The following ATP2A2 variants were observed in gnomAD, a reference collection of about 807,000 sequenced individuals.
ATP2A2 encodes the protein ATPase sarcoplasmic/endoplasmic reticulum Ca2+ transporting 2, also known as sarcoplasmic/endoplasmic reticulum calcium ATPase 2.
ATP2A2 carries 14 observed loss-of-function variants against 109.3 expected under a neutral mutation model. The ratio of observed to expected loss-of-function variants is 0.13; its 90% CI spans 0.08 to 0.20. The LOEUF is 0.20. Among genes scored for constraint, ATP2A2 ranks in the 10% least tolerant of loss-of-function variants. The pLI, the probability that ATP2A2 is intolerant of heterozygous loss-of-function variation, is 1.00. For synonymous variants in ATP2A2, 506 were observed against 490.9 expected, an observed-to-expected ratio of 1.03 and a Z score of -0.41; for missense variants, 657 against 1,321.6, an observed-to-expected ratio of 0.50 and a Z score of 7.80.
At chr12:110,282,365 C>CTT (rs1343434073) in intron 1 of ATP2A2, among the ~76,000 whole-genome samples, 2 of 152,180 alleles carry the variant, frequency 1.3e-5, no homozygotes, top group Non-Finnish European at 2.9e-5. Flanking sequence ...TGATTTCACG[C>CTT]TTAGGGCTAG....
At chr12:110,344,747 G>A in intron 16 of ATP2A2, 139 bp from the exon 17 acceptor site, 1 of 802,816 alleles carries the variant, frequency 1.2e-6, no homozygotes, top group Non-Finnish European at 2.2e-6. Context: ...TGAGCAGGTG[G>A]TGGTAGCACC....
intron 14 of ATP2A2, among the ~76,000 whole-genome samples, chr12:110,341,830 T>G (rs1879386100): frequency 6.6e-6 from 1 of 152,234 alleles, no homozygotes; most frequent in African/African-American, 2.4e-5. Flanking sequence ...ACTGCGCCAC[T>G]GCACTACAGC....
chr12:110,323,191 A>T, intron 6 of ATP2A2, 119 bp downstream of exon 6: 1 of 836,574 alleles, frequency 1.2e-6, no homozygotes. Flanking sequence ...TCTCTAAGAT[A>T]CTTATTTCTT....
chr12:110,297,991 TAGAG>T (rs113018499), intron 5 of ATP2A2, among the ~76,000 whole-genome samples: 3 of 152,204 alleles, frequency 2.0e-5, no homozygotes, highest in African/African-American at 7.2e-5. Context: ...CTATTTCACT[TAGAG>T]AGTCATTGCA....
chr12:110,288,853 A>T (rs1872954570), intron 3 of ATP2A2, among the ~76,000 whole-genome samples: 1 of 152,210 alleles, frequency 6.6e-6, no homozygotes, highest in South Asian at 2.1e-4. Context: ...GCAGTAAGGG[A>T]TCTTGCGTTT....
In ATP2A2 at chr12:110,347,329, G is replaced by C; in HGVS notation, c.*859G>C. The C allele has an allele frequency of 7.8e-7, 1 of 1,283,004 alleles. No individual in the cohort carries two copies. Among genetic ancestry groups the C allele is most frequent in the South Asian group, 1.2e-5 (1 of 80,316 alleles). 79.5% of individuals were successfully genotyped at this position (1,283,004 alleles called of 1,614,324 possible). On this transcript the variant is annotated 3_prime_UTR_variant, in exon 20 of 20. Coordinates refer to ENST00000539276, the MANE Select transcript of ATP2A2 (RefSeq NM_170665.4). ...TTTAAATGGACAGAGAAAAATAACTGTCTTGTCTTTAACTCGTAAGTGGCT... is the reference window on the plus strand; with the variant it reads ...TTTAAATGGACAGAGAAAAATAACTCTCTTGTCTTTAACTCGTAAGTGGCT...
rs751594837 is a variant in ATP2A2 at position 110,333,168 on chromosome 12, T to G, written c.1185-13T>G. On this transcript the variant is annotated splice_polypyrimidine_tract_variant and intron_variant, in intron 9 of 19. Transcript: ENST00000539276. ...ACCATACCCTGCTCTAAGAGTGTTT[T>G]CTCTTTGGGCAGGCATAAAGATGAT... The G allele has an allele frequency of 4.4e-6, 7 of 1,606,358 alleles. No homozygotes were observed. The highest frequency in any genetic ancestry group is 1.1e-5 in the South Asian group (1 of 90,944).
At chr12:110,290,741 A>G (rs557605641) in intron 3 of ATP2A2, among the ~76,000 whole-genome samples, 14 of 151,394 alleles carry the variant, frequency 9.2e-5, no homozygotes, top group African/African-American at 3.4e-4. Flanking sequence ...ACTAGCTAGG[A>G]CTGCAGGTGT....
chr12:110,301,914 A>T (rs112303164), intron 5 of ATP2A2, among the ~76,000 whole-genome samples: 2,125 of 152,132 alleles, frequency 0.014, 29 homozygotes, highest in Non-Finnish European at 0.025. Context: ...AGAGTTTATT[A>T]ATTTGCTCAA....
chr12:110,312,505 G>GTCC (rs1477464503), intron 5 of ATP2A2, among the ~76,000 whole-genome samples: 2 of 152,032 alleles, frequency 1.3e-5, no homozygotes, highest in Non-Finnish European at 2.9e-5. Flanking sequence ...AGGTTCATTT[G>GTCC]TCCTCCTCCT....
rs1880311012 is a variant in ATP2A2 at position 110,350,645 on chromosome 12, C to T, written c.*4175C>T. The T allele has an allele frequency of 2.4e-6, 1 of 409,874 alleles. No individual in the cohort carries two copies. The allele number at this position is 409,874 out of a possible 1,614,324, so 25.4% of individuals were successfully genotyped here. A position where few individuals can be genotyped will look rare whatever the true frequency, so the allele number is the denominator to read the frequency against. ...GTCGCCACATTTCTCTGCAAAATGT[C>T]ATAGCTTATATAAATGTACAGTATT... On this transcript the variant is annotated 3_prime_UTR_variant, in exon 20 of 20. Coordinates refer to ENST00000539276, the MANE Select transcript of ATP2A2 (RefSeq NM_170665.4).
intron 5 of ATP2A2, among the ~76,000 whole-genome samples, chr12:110,318,535 G>A (rs1407849860): frequency 3.3e-5 from 5 of 152,118 alleles, no homozygotes; most frequent in African/African-American, 9.7e-5. Flanking sequence ...CTGGAGTGGC[G>A]CAACTTCGGC....
rs1455197616 is a variant in ATP2A2, at chr12:110,347,675, G to A, written c.*1205G>A. 59 of 1,171,942 alleles carry A rather than the reference G, an allele frequency of 5.0e-5. No individual in the cohort carries two copies. The highest frequency in any genetic ancestry group is 9.6e-5 in the African/African-American group (6 of 62,336). The allele number at this position is 1,171,942 out of a possible 1,614,324, so 72.6% of individuals were successfully genotyped here. A position where few individuals can be genotyped will look rare whatever the true frequency, so the allele number is the denominator to read the frequency against. On this transcript the variant is annotated 3_prime_UTR_variant, in exon 20 of 20. Coordinates refer to ENST00000539276, the MANE Select transcript of ATP2A2 (RefSeq NM_170665.4). The stretch of plus-strand genomic sequence containing the variant: ...GAATGTGGCACTAACCACCACCACC[G>A]TTACTACGATCAATGTTTGCGCATG...
At chr12:110,304,165 A>G (rs991670577) in intron 5 of ATP2A2, among the ~76,000 whole-genome samples, 1 of 152,190 alleles carries the variant, frequency 6.6e-6, no homozygotes, top group Non-Finnish European at 1.5e-5. Context: ...CTGCTGAATA[A>G]TGTTTATTAG....
chr12:110,332,713 G>T (rs931399313), intron 9 of ATP2A2, 28 bp downstream of exon 9: 14 of 1,543,802 alleles, frequency 9.1e-6, no homozygotes, highest in Non-Finnish European at 1.3e-5. Context: ...TCATTTAAAG[G>T]ATCTGGTGTG....
At position 110,342,366 on chromosome 12, in the gene ATP2A2, G is replaced by A. The variant is rs1403336412; in HGVS notation, c.2236G>A (p.Val746Ile). 5.0e-6 allele frequency: 8 copies of A among 1,614,106 alleles called. No homozygotes were observed. Among genetic ancestry groups the A allele is most frequent in the Non-Finnish European group, 6.8e-6 (8 of 1,180,054 alleles). Reference sequence around the variant, plus strand: ...CAACTTCTCCACCATTGTGGCTGCCGTTGAGGAGGGGCGGGCAATCTACAA... The same window carrying A: ...CAACTTCTCCACCATTGTGGCTGCCATTGAGGAGGGGCGGGCAATCTACAA... ...DDNFSTIVAA[V>I]EEGRAIYNNM... is the part of the protein sequence containing the mutation. Residue 746 changes from valine to isoleucine, a missense_variant, in exon 15 of 20, where the codon GTT becomes ATT. Around this residue, in one of 9 missense-constraint regions of ATP2A2, gnomAD observed 50 missense variants for 176.9 expected, o/e 0.28. Coordinates refer to ENST00000539276, the MANE Select transcript of ATP2A2 (RefSeq NM_170665.4). This position sits in a 1 kb window ranked among gnomAD's most constrained non-coding sequence, Gnocchi z 4.6.
At chr12:110,328,096 T>A in intron 8 of ATP2A2, 79 bp downstream of exon 8, 1 of 1,417,924 alleles carries the variant, frequency 7.1e-7, no homozygotes, top group South Asian at 1.2e-5. Context: ...CATCAAAACT[T>A]TTGATTTGTA....
chr12:110,337,021 C>T (rs1484075412), intron 11 of ATP2A2, among the ~76,000 whole-genome samples: 1 of 152,158 alleles, frequency 6.6e-6, no homozygotes, highest in Non-Finnish European at 1.5e-5. Flanking sequence ...TGATGGGAAA[C>T]AAGTCATGTA....
chr12:110,333,365 C>G lies in ATP2A2; in HGVS notation c.1287+82C>G, dbSNP rs1878532371. 2.4e-5 allele frequency: 32 copies of G among 1,317,716 alleles called. 1 individual carries two copies. The South Asian group carries it at 3.2e-4, about 13-fold the overall frequency. 81.6% of individuals were successfully genotyped at this position (1,317,716 alleles called of 1,614,324 possible). On this transcript the variant is annotated intron_variant, in intron 10 of 19. Coordinates refer to ENST00000539276, the MANE Select transcript of ATP2A2 (RefSeq NM_170665.4). ...GTGGAATGAAAGTCTAGCCTGCCTT[C>G]CTCCCTTTTGAAAGTCAAGGGTGCC...
Sources: allele counts gnomAD v4.1 joint callset (sites outside exome capture counted in the v4.1 genomes callset), GRCh38; gene constraint gnomAD v4.1.1; regional missense constraint gnomAD v4.1.1; non-coding constraint Gnocchi (gnomAD v3.1); transcripts MANE v1.5; gene names NCBI Gene and HGNC (gene_info 2026-07-23, HGNC 2026-07-21).